The following TOX variants were observed in gnomAD, a reference collection of about 807,000 sequenced individuals.
The protein encoded by TOX is thymocyte selection-associated high mobility group box protein TOX.
TOX carries 11 observed loss-of-function variants against 53.7 expected under a neutral mutation model. The ratio of observed to expected loss-of-function variants is 0.20; its 90% CI spans 0.13 to 0.34. TOX has a LOEUF of 0.34. Among genes scored for constraint, TOX ranks in the 10% least tolerant of loss-of-function variants. The pLI, the probability that TOX is intolerant of heterozygous loss-of-function variation, is 1.00. For synonymous variants in TOX, 225 were observed against 245.3 expected (o/e 0.92, Z 0.77); for missense variants, 570 against 664.6 (o/e 0.86, Z 1.56).
At chr8:59,037,801 CAAAA>C (rs769397049) in intron 1 of TOX, among the ~76,000 whole-genome samples, 2 of 98,076 alleles carry the variant, frequency 2.0e-5, no homozygotes, top group African/African-American at 3.6e-5. Context: ...GACTCCATCT[CAAAA>C]AAAAAAAAAA....
At chr8:58,870,086 A>G (rs1177229687) in intron 3 of TOX, among the ~76,000 whole-genome samples, 2 of 152,160 alleles carry the variant, frequency 1.3e-5, no homozygotes, top group African/African-American at 4.8e-5. Context: ...GCAATAAGAC[A>G]ATGCAAGAAA....
intron 3 of TOX, among the ~76,000 whole-genome samples, chr8:58,899,205 C>T (rs1811696062): frequency 6.6e-6 from 1 of 152,230 alleles, no homozygotes; most frequent in Admixed American, 6.5e-5. Flanking sequence ...CTCAGCTATA[C>T]TTTCCCGCTT....
chr8:58,828,982 A>G (rs1284812733), intron 5 of TOX, among the ~76,000 whole-genome samples: 5 of 152,108 alleles, frequency 3.3e-5, no homozygotes, highest in Non-Finnish European at 7.4e-5. Context: ...ACTCCAAGTG[A>G]CTCCCATTCA....
intron 3 of TOX, among the ~76,000 whole-genome samples, chr8:58,898,673 C>T (rs1034858500): frequency 6.6e-6 from 1 of 152,110 alleles, no homozygotes; most frequent in African/African-American, 2.4e-5. Context: ...CCAAGTTGTC[C>T]GTTTTCTTCC....
intron 3 of TOX, among the ~76,000 whole-genome samples, chr8:58,865,628 C>A (rs527286370): frequency 6.6e-6 from 1 of 151,504 alleles, no homozygotes; most frequent in Non-Finnish European, 1.5e-5. Flanking sequence ...TGTGGACATG[C>A]CCTTCTTAAA....
intron 3 of TOX, among the ~76,000 whole-genome samples, chr8:58,886,506 C>A (rs1027770782): frequency 3.3e-5 from 5 of 151,954 alleles, no homozygotes; most frequent in African/African-American, 1.2e-4. Context: ...AATAGGAAAT[C>A]AAGATCAATG....
chr8:59,067,810 C>T (rs978998687), intron 1 of TOX, among the ~76,000 whole-genome samples: 10 of 152,110 alleles, frequency 6.6e-5, no homozygotes, highest in Non-Finnish European at 1.3e-4. Context: ...TATTAATTTG[C>T]ATATGTGACA....
chr8:59,046,183 C>G (rs1803678850), intron 1 of TOX, among the ~76,000 whole-genome samples: 1 of 152,140 alleles, frequency 6.6e-6, no homozygotes, highest in Non-Finnish European at 1.5e-5. Flanking sequence ...ACCACCAAAA[C>G]TATAATAACA....
intron 1 of TOX, among the ~76,000 whole-genome samples, chr8:59,096,350 T>C (rs540640054): frequency 6.6e-6 from 1 of 152,194 alleles, no homozygotes; most frequent in East Asian, 1.9e-4. Flanking sequence ...ACTGTGGCAA[T>C]TTATCTTTTA....
intron 6 of TOX, among the ~76,000 whole-genome samples, chr8:58,824,110 G>C (rs1810327348): frequency 6.6e-6 from 1 of 152,112 alleles, no homozygotes; most frequent in Non-Finnish European, 1.5e-5. Context: ...GAGTGCGGGA[G>C]AGCACATTGA....
intron 1 of TOX, among the ~76,000 whole-genome samples, chr8:59,058,468 T>C (rs542465607): frequency 1.3e-5 from 2 of 152,322 alleles, no homozygotes; most frequent in Admixed American, 6.5e-5. Context: ...TGAATCCACA[T>C]GCTTGCCCAC....
intron 1 of TOX, among the ~76,000 whole-genome samples, chr8:58,971,054 T>A (rs979657258): frequency 1.3e-5 from 2 of 152,224 alleles, no homozygotes; most frequent in Non-Finnish European, 2.9e-5. Context: ...GTTTAGATAA[T>A]GGCTAAAAGC....
At position 59,118,009 on chromosome 8, in the gene TOX, T is replaced by C. The variant is rs61183853; in HGVS notation, c.102+877A>G. ...AACCCCCTCCCTCGTACCCCCTGACTGTCCTATAGGTGGACCCAGCCGAAC... is the reference window on the plus strand; with the variant it reads ...AACCCCCTCCCTCGTACCCCCTGACCGTCCTATAGGTGGACCCAGCCGAAC... On this transcript the variant is annotated intron_variant, in intron 1 of 8. Coordinates refer to ENST00000361421, the MANE Select transcript of TOX (RefSeq NM_014729.3). This position sits in a 1 kb window ranked among gnomAD's most constrained non-coding sequence, Gnocchi z 4.1. 0.044 allele frequency among the ~76,000 whole-genome samples: 6,628 copies of C among 152,178 alleles called. 387 individuals carry two copies. Among genetic ancestry groups the C allele is most frequent in the African/African-American group, 0.13 (5,365 of 41,498 alleles).
chr8:58,840,109 T>G (rs1014278717), intron 4 of TOX, among the ~76,000 whole-genome samples: 1 of 152,226 alleles, frequency 6.6e-6, no homozygotes, highest in African/African-American at 2.4e-5. Flanking sequence ...TACTTTAATA[T>G]TAATATGTGA....
At chr8:59,098,873 T>G (rs939112841) in intron 1 of TOX, among the ~76,000 whole-genome samples, 1 of 152,080 alleles carries the variant, frequency 6.6e-6, no homozygotes, top group African/African-American at 2.4e-5. Context: ...TATCCTTTGC[T>G]ACTTTAATAT....
intron 3 of TOX, among the ~76,000 whole-genome samples, chr8:58,855,775 T>G: frequency 6.6e-6 from 1 of 152,198 alleles, no homozygotes; most frequent in African/African-American, 2.4e-5. Context: ...ATAACCATCC[T>G]TCATCTACTC....
At chr8:58,811,564 G>A (rs113360539) in intron 7 of TOX, among the ~76,000 whole-genome samples, 14 of 152,138 alleles carry the variant, frequency 9.2e-5, no homozygotes, top group Non-Finnish European at 1.8e-4. Context: ...ATTTTCAACA[G>A]GCATCAATGT....
intron 1 of TOX, among the ~76,000 whole-genome samples, chr8:59,081,241 G>A (rs528741244): frequency 8.5e-5 from 13 of 152,092 alleles, no homozygotes; most frequent in African/African-American, 3.1e-4. Flanking sequence ...TGGCCAGGGT[G>A]GTCTCAAACT....
chr8:58,815,364 C>T lies in TOX; in HGVS notation c.1366G>A (p.Ala456Thr), dbSNP rs150972495. Residue 456 changes from alanine to threonine, a missense_variant, in exon 7 of 9, where the codon GCC becomes ACC. Ala to Thr is a moderately conservative substitution (Grantham distance 58, BLOSUM62 0). This residue lies in a region of TOX where 239 missense variants were observed against 250.7 expected (regional missense o/e 0.95). Transcript: ENST00000361421. ...TGCTGCATGGTGGGTGAGTGTAAGG[C>T]AGACTGGACCTGCATGGGGAGCTGG... ...GNQLPMQVQS[A>T]LHSPTMQQGF... is the part of the protein sequence containing the mutation. 20 of 1,607,602 alleles carry T rather than the reference C, an allele frequency of 1.2e-5. No individual in the cohort carries two copies. Among genetic ancestry groups the T allele is most frequent in the Middle Eastern group, 1.8e-4 (1 of 5,626 alleles).
Sources: allele counts gnomAD v4.1 joint callset (sites outside exome capture counted in the v4.1 genomes callset), GRCh38; gene constraint gnomAD v4.1.1; regional missense constraint gnomAD v4.1.1; non-coding constraint Gnocchi (gnomAD v3.1); transcripts MANE v1.5; gene names NCBI Gene and HGNC (gene_info 2026-07-23, HGNC 2026-07-21).